Variants in CDRT4 observed in about 807,000 individuals in gnomAD.
CDRT4 encodes CMT1A duplicated region transcript 4 protein.
For missense variants in CDRT4, 167 were observed against 193.1 expected, an observed-to-expected ratio of 0.87 and a Z score of 0.80; for synonymous variants, 64 against 69.6, an observed-to-expected ratio of 0.92 and a Z score of 0.40.
chr17:15,457,814 G>A (rs942436293), intron 1 of CDRT4, among the ~76,000 whole-genome samples: 5 of 152,186 alleles, frequency 3.3e-5, no homozygotes, highest in African/African-American at 4.8e-5. Flanking sequence ...AGACAGGGAC[G>A]AGGCTAGGAG....
intron 2 of CDRT4, among the ~76,000 whole-genome samples, chr17:15,451,730 T>G (rs533262701): frequency 1.1e-3 from 170 of 152,282 alleles, no homozygotes; most frequent in African/African-American, 3.6e-3. Context: ...GAAGTCAGGA[T>G]TCAGCCTAAA....
Position 15,437,932 on chromosome 17 carries a change from T to C in CDRT4, c.300A>G (p.Ser100=). Residue 100 remains serine, a synonymous_variant, in exon 4 of 4, where the codon TCA becomes TCG. Coordinates refer to ENST00000619038, the MANE Select transcript of CDRT4 (RefSeq NM_001204477.2). The stretch of plus-strand genomic sequence containing the variant: ...CCAATACCGAATAAGCGCCCCACAT[T>C]GATAACGTGGATTCTGACAGCGTGT... ...FRDTLSESTL[S]MWGAYSVLAM... The C allele has an allele frequency of 4.3e-6, 7 of 1,614,188 alleles. No individual in the cohort carries two copies. Among genetic ancestry groups the C allele is most frequent in the Non-Finnish European group, 5.9e-6 (7 of 1,180,034 alleles).
chr17:15,444,128 C>A lies in CDRT4; in HGVS notation c.-47-3843G>T, dbSNP rs1031325403. On this transcript the variant is annotated intron_variant, in intron 2 of 3. Transcript: ENST00000619038. ...CCACAACAGTTAAAAACAAGGCAAT[C>A]AGGAAATTTTTGGATGGTATATATG... 3.9e-6 allele frequency: 5 copies of A among 1,289,688 alleles called. No homozygotes were observed. The Admixed American group carries it at 5.1e-5, about 13-fold the overall frequency. The allele number at this position is 1,289,688 out of a possible 1,614,324, so 79.9% of individuals were successfully genotyped here. A position where few individuals can be genotyped will look rare whatever the true frequency, so the allele number is the denominator to read the frequency against.
chr17:15,461,330 C>T (rs956698090), intron 1 of CDRT4, among the ~76,000 whole-genome samples: 5 of 152,330 alleles, frequency 3.3e-5, no homozygotes, highest in African/African-American at 4.8e-5. Flanking sequence ...TTAAGGAAGT[C>T]GGCCTCTGCA....
rs183212053 is a variant in CDRT4 at position 15,467,464 on chromosome 17, G to C, written c.-134C>G. ...TGTTCTGGCCCAGACTGTTACCTGA[G>C]AAGTTTCTGTGATTCCCCATCCTTC... On this transcript the variant is annotated 5_prime_UTR_variant, in exon 1 of 4. Coordinates refer to ENST00000619038, the MANE Select transcript of CDRT4 (RefSeq NM_001204477.2). 2.6e-5 allele frequency: 4 copies of C among 152,386 alleles called. No individual in the cohort carries two copies. The highest frequency in any genetic ancestry group is 9.6e-5 in the African/African-American group (4 of 41,526). 9.4% of individuals were successfully genotyped at this position (152,386 alleles called of 1,614,324 possible). A position where few individuals can be genotyped will look rare whatever the true frequency, so the allele number is the denominator to read the frequency against.
intron 1 of CDRT4, among the ~76,000 whole-genome samples, chr17:15,465,682 AAC>A (rs956955483): frequency 9.2e-5 from 14 of 152,248 alleles, no homozygotes; most frequent in African/African-American, 3.1e-4. Flanking sequence ...CAACACACAA[AAC>A]ACACAAACAC....
intron 2 of CDRT4, among the ~76,000 whole-genome samples, chr17:15,444,696 A>G (rs543697535): frequency 6.7e-6 from 1 of 148,496 alleles, no homozygotes; most frequent in Non-Finnish European, 1.5e-5. Flanking sequence ...TACTAAAAAT[A>G]TAAAAATTAG....
rs2150782053 is a variant in CDRT4 at position 15,436,140 on chromosome 17, C to T, written c.*1633G>A. 6.6e-6 allele frequency: 1 copy of T among 152,324 alleles called. No individual in the cohort carries two copies. The highest frequency in any genetic ancestry group is 2.1e-4 in the South Asian group (1 of 4,830). 9.4% of individuals were successfully genotyped at this position (152,324 alleles called of 1,614,324 possible). ...TTTTCGAAGAATTCATTCTGGCCAA[C>T]AGTTGGGAACCAATAACAGGTCTAG... On this transcript the variant is annotated 3_prime_UTR_variant, in exon 4 of 4. Coordinates refer to ENST00000619038, the MANE Select transcript of CDRT4 (RefSeq NM_001204477.2).
chr17:15,440,185 A>G (rs1978691739), intron 3 of CDRT4, 23 bp downstream of exon 3: 4 of 1,612,820 alleles, frequency 2.5e-6, no homozygotes, highest in Non-Finnish European at 3.4e-6. Context: ...AGGAGCTTCC[A>G]CTGGTAACAC....
intron 2 of CDRT4, among the ~76,000 whole-genome samples, chr17:15,444,657 G>A (rs1978934498): frequency 6.6e-6 from 1 of 151,846 alleles, no homozygotes; most frequent in South Asian, 2.1e-4. Context: ...TTCGAGGCCA[G>A]TCTGGCCAGC....
At chr17:15,457,234 C>A (rs1451365931) in intron 1 of CDRT4, among the ~76,000 whole-genome samples, 1 of 152,210 alleles carries the variant, frequency 6.6e-6, no homozygotes, top group Non-Finnish European at 1.5e-5. Flanking sequence ...TAATGTCCCA[C>A]CAAATGAATT....
intron 1 of CDRT4, among the ~76,000 whole-genome samples, chr17:15,455,003 T>C (rs1979424283): frequency 1.3e-5 from 2 of 152,162 alleles, no homozygotes; most frequent in African/African-American, 4.8e-5. Flanking sequence ...CTATGATTTA[T>C]GACTGGGGGT....
intron 1 of CDRT4, among the ~76,000 whole-genome samples, chr17:15,457,040 G>A (rs995519882): frequency 3.9e-5 from 6 of 152,074 alleles, no homozygotes; most frequent in Non-Finnish European, 7.4e-5. Flanking sequence ...CACTAGGGAC[G>A]AGCCCTTCCA....
At chr17:15,440,702 T>C (rs1346675095) in intron 2 of CDRT4, among the ~76,000 whole-genome samples, 1 of 152,184 alleles carries the variant, frequency 6.6e-6, no homozygotes, top group Non-Finnish European at 1.5e-5. Flanking sequence ...CAACCTGCAC[T>C]TCTCAGCCTG....
rs939957109 is a variant in CDRT4, at chr17:15,437,341, C to A, written c.*432G>T. On this transcript the variant is annotated 3_prime_UTR_variant, in exon 4 of 4. Transcript: ENST00000619038. ...CCAGCATCTTCCCCTTGTTCCCAAG[C>A]CTCAAGTGTGATGCCTGCTTCCTGT... 1 of 214,602 alleles carries A rather than the reference C, an allele frequency of 4.7e-6. No individual in the cohort carries two copies. The highest frequency in any genetic ancestry group is 2.3e-5 in the African/African-American group (1 of 43,298). The allele number at this position is 214,602 out of a possible 1,614,324, so 13.3% of individuals were successfully genotyped here.
intron 2 of CDRT4, chr17:15,443,844 T>C (rs1978891489): frequency 3.4e-6 from 2 of 580,342 alleles, no homozygotes; most frequent in Non-Finnish European, 6.7e-6. Flanking sequence ...TTTGGACTAT[T>C]TTACTCATGT....
At chr17:15,467,033 T>C (rs1360378033) in intron 1 of CDRT4, among the ~76,000 whole-genome samples, 3 of 151,876 alleles carry the variant, frequency 2.0e-5, no homozygotes, top group Non-Finnish European at 4.4e-5. Context: ...GGGAACATCA[T>C]CACCCTCATC....
At chr17:15,448,977 C>T (rs1380964277) in intron 2 of CDRT4, among the ~76,000 whole-genome samples, 1 of 152,204 alleles carries the variant, frequency 6.6e-6, no homozygotes, top group Admixed American at 6.5e-5. Flanking sequence ...CTCCACCACC[C>T]GTGCCTCTGT....
chr17:15,439,559 T>A (rs764935455), intron 3 of CDRT4, among the ~76,000 whole-genome samples: 26 of 151,982 alleles, frequency 1.7e-4, no homozygotes, highest in Non-Finnish European at 3.5e-4. Context: ...TCTGGCAGAG[T>A]CCAAATTCAA....
Sources: allele counts gnomAD v4.1 joint callset (sites outside exome capture counted in the v4.1 genomes callset), GRCh38; gene constraint gnomAD v4.1.1; transcripts MANE v1.5; gene names NCBI Gene and HGNC (gene_info 2026-07-23, HGNC 2026-07-21).